CHCHD3: variants seen among roughly 807,000 people sequenced by gnomAD.
CHCHD3 encodes the protein MICOS complex subunit MIC19.
Under a neutral mutation model 38.2 loss-of-function variants are expected in CHCHD3, and 20 were observed. The ratio of observed to expected loss-of-function variants is 0.52; its 90% CI spans 0.37 to 0.76. The LOEUF (loss-of-function observed/expected upper bound fraction) is 0.76. Among genes scored for constraint, CHCHD3 ranks in the 30% least tolerant of loss-of-function variants. The pLI, the probability that CHCHD3 is intolerant of heterozygous loss-of-function variation, is 0.00. For missense variants in CHCHD3, 245 were observed against 279.2 expected (o/e 0.88, Z 0.87); for synonymous variants, 82 against 100.0 (o/e 0.82, Z 1.07).
intron 4 of CHCHD3, among the ~76,000 whole-genome samples, chr7:132,904,383 T>C (rs1034049479): frequency 1.3e-5 from 2 of 152,208 alleles, no homozygotes; most frequent in Non-Finnish European, 2.9e-5. Context: ...TAACTAGTCA[T>C]GAGTTAAGAA....
At chr7:132,859,361 G>C (rs1229140974) in intron 5 of CHCHD3, among the ~76,000 whole-genome samples, 3 of 152,120 alleles carry the variant, frequency 2.0e-5, no homozygotes, top group Non-Finnish European at 1.5e-5. Context: ...CCAGACACTT[G>C]TTCTTAAATC....
In CHCHD3 at chr7:132,845,801, C is replaced by T. The variant is rs373195258; in HGVS notation, c.454-7332G>A. Among the ~76,000 whole-genome samples, 21 of 152,282 alleles carry T rather than the reference C, an allele frequency of 1.4e-4. No individual in the cohort carries two copies. The East Asian group carries it at 3.7e-3, about 27-fold the overall frequency. ...AGAAAAGTCCAACCACATGTCAATC[C>T]TGTACTTTCCGGCATGCAACTTTTC... On this transcript the variant is annotated intron_variant, in intron 5 of 7. Coordinates refer to ENST00000262570, the MANE Select transcript of CHCHD3 (RefSeq NM_017812.4).
intron 6 of CHCHD3, chr7:132,813,496 A>G (rs1448656097): frequency 6.6e-6 from 1 of 152,172 alleles, no homozygotes; most frequent in African/African-American, 2.4e-5. Context: ...CTACTGTTTA[A>G]CATTGTTGTG....
intron 2 of CHCHD3, among the ~76,000 whole-genome samples, chr7:133,025,343 C>T (rs1047780669): frequency 6.6e-6 from 1 of 152,142 alleles, no homozygotes; most frequent in East Asian, 1.9e-4. Context: ...ATAAAATGGA[C>T]AAATTTCACA....
chr7:132,972,677 G>A (rs1441215094), intron 4 of CHCHD3: 3 of 985,268 alleles, frequency 3.0e-6, no homozygotes, highest in Non-Finnish European at 3.6e-6. Flanking sequence ...ACAACACTCT[G>A]GGAAGGAAGG....
chr7:132,786,236 G>C (rs574088352), intron 7 of CHCHD3, among the ~76,000 whole-genome samples: 1 of 152,308 alleles, frequency 6.6e-6, no homozygotes, highest in African/African-American at 2.4e-5. Context: ...ATGGCTGATG[G>C]ATGCAGTGAC....
intron 4 of CHCHD3, among the ~76,000 whole-genome samples, chr7:132,929,913 C>T (rs1810475750): frequency 1.3e-5 from 2 of 152,140 alleles, no homozygotes; most frequent in Admixed American, 1.3e-4. Context: ...ATATTATTTC[C>T]TGCATGATGG....
chr7:132,847,798 T>G (rs1808117669), intron 5 of CHCHD3, among the ~76,000 whole-genome samples: 1 of 152,190 alleles, frequency 6.6e-6, no homozygotes, highest in African/African-American at 2.4e-5. Context: ...ATAACTAGTA[T>G]GATCATACCC....
intron 4 of CHCHD3, chr7:132,973,203 A>G: frequency 1.0e-6 from 1 of 985,400 alleles, no homozygotes; most frequent in South Asian, 4.7e-5. Context: ...ATAAGATTCA[A>G]AAGAGTAAAA....
intron 4 of CHCHD3, among the ~76,000 whole-genome samples, chr7:132,920,465 TG>T (rs1810232915): frequency 6.6e-6 from 1 of 152,174 alleles, no homozygotes; most frequent in South Asian, 2.1e-4. Flanking sequence ...TTATCTGACA[TG>T]CAAGTCCCCC....
At chr7:133,059,301 G>T (rs2343597) in intron 2 of CHCHD3, among the ~76,000 whole-genome samples, 147,016 of 152,120 alleles carry the variant, frequency 0.97, 71,258 homozygotes, top group Middle Eastern at 1. Context: ...GGGTAACTTG[G>T]TTTCCAAGTT....
At chr7:133,009,548 A>AC (rs1223783084) in intron 3 of CHCHD3, among the ~76,000 whole-genome samples, 26 of 151,836 alleles carry the variant, frequency 1.7e-4, no homozygotes, top group African/African-American at 5.3e-4. Context: ...AAAAAAAAAA[A>AC]AACTCTGTCA....
intron 3 of CHCHD3, among the ~76,000 whole-genome samples, chr7:132,997,638 T>C (rs1812454478): frequency 7.5e-6 from 1 of 132,770 alleles, no homozygotes; most frequent in Non-Finnish European, 1.6e-5. Context: ...TTATGGCTTC[T>C]CACTGTAACT....
intron 2 of CHCHD3, among the ~76,000 whole-genome samples, chr7:133,047,278 C>CA (rs1200748678): frequency 3.3e-5 from 5 of 151,952 alleles, no homozygotes; most frequent in East Asian, 1.9e-4. Context: ...CCCAACTCTA[C>CA]AAAAAAGAGT....
intron 4 of CHCHD3, among the ~76,000 whole-genome samples, chr7:132,955,173 G>GGTGTGTGTGTGTGTGTGTGTGTGT (rs3050414): frequency 0.016 from 2,055 of 126,196 alleles, 71 homozygotes; most frequent in East Asian, 0.042. Flanking sequence ...TCCCTCAGAG[G>GGTGTGTGTGTGTGTGTGTGTGTGT]GTGTGTGTGT....
At chr7:133,065,705 TACTA>T (rs1229749846) in intron 2 of CHCHD3, among the ~76,000 whole-genome samples, 67 of 152,324 alleles carry the variant, frequency 4.4e-4, no homozygotes, top group Middle Eastern at 3.4e-3. Flanking sequence ...TATTATTGAG[TACTA>T]ACTAAAACTC....
intron 5 of CHCHD3, among the ~76,000 whole-genome samples, chr7:132,882,649 T>C (rs2117170084): frequency 6.6e-6 from 1 of 152,228 alleles, no homozygotes; most frequent in South Asian, 2.1e-4. Context: ...CAGACGTTTG[T>C]ACCAATCAAA....
intron 4 of CHCHD3, among the ~76,000 whole-genome samples, chr7:132,909,224 G>A (rs1228300410): frequency 6.6e-6 from 1 of 152,156 alleles, no homozygotes; most frequent in Non-Finnish European, 1.5e-5. Context: ...AAGACCAGGT[G>A]TGGTGGTTCA....
chr7:132,963,779 A>G (rs552967828), intron 4 of CHCHD3, among the ~76,000 whole-genome samples: 110 of 152,206 alleles, frequency 7.2e-4, no homozygotes, highest in Middle Eastern at 3.4e-3. Flanking sequence ...AAAATCAGTT[A>G]CCAGCTCTTT....
Sources: allele counts gnomAD v4.1 joint callset (sites outside exome capture counted in the v4.1 genomes callset), GRCh38; gene constraint gnomAD v4.1.1; transcripts MANE v1.5; gene names NCBI Gene and HGNC (gene_info 2026-07-23, HGNC 2026-07-21).